The following SIRT7 variants were observed in gnomAD, a reference collection of about 807,000 sequenced individuals.
SIRT7 encodes sirtuin 7.
Under a neutral mutation model 42.8 loss-of-function variants are expected in SIRT7, and 32 were observed. The ratio of observed to expected loss-of-function variants is 0.75; its 90% confidence interval spans 0.56 to 1.00. The LOEUF (loss-of-function observed/expected upper bound fraction) is 1.00, where lower values mean the gene tolerates loss of function less well. SIRT7 is among the 50% of genes least tolerant of loss of function. The probability of loss-of-function intolerance (pLI) is 0.00; values close to 1 mark genes in which losing one functional copy is unlikely to be tolerated. For missense variants in SIRT7, 553 were observed against 572.2 expected, an observed-to-expected ratio of 0.97 and a Z score of 0.34; for synonymous variants, 297 against 245.2, an observed-to-expected ratio of 1.21 and a Z score of -1.97.
rs995300847 is a variant in SIRT7 at position 81,913,986 on chromosome 17, G to A, written c.897+101C>T. 10 of 1,552,646 alleles carry A rather than the reference G, an allele frequency of 6.4e-6. No individual in the cohort carries two copies. The East Asian group carries it at 1.1e-4, about 18-fold the overall frequency. ...CAGTCGGTGCTCCCTGAGCACCCACGGGGGCCCTATCAGACCGCCCTGGTG... is the reference window on the plus strand; with the variant it reads ...CAGTCGGTGCTCCCTGAGCACCCACAGGGGCCCTATCAGACCGCCCTGGTG... On this transcript the variant is annotated intron_variant, in intron 8 of 9. Transcript: ENST00000328666. This position sits in a 1 kb window ranked among gnomAD's most constrained non-coding sequence, Gnocchi z 5.0.
At chr17:81,914,230 C>T (rs2040748035) in intron 7 of SIRT7, 63 bp from the exon 8 acceptor site, 19 of 1,611,962 alleles carry the variant, frequency 1.2e-5, no homozygotes, top group East Asian at 2.2e-5. Context: ...AGTGCTGGGC[C>T]GCAGAGCTGG....
In SIRT7 at chr17:81,913,555, G is replaced by A. The variant is rs1012044445; in HGVS notation, c.1004+219C>T. On this transcript the variant is annotated intron_variant, in intron 9 of 9. Transcript: ENST00000328666. This position sits in a 1 kb window ranked among gnomAD's most constrained non-coding sequence, Gnocchi z 5.0. Reference sequence around the variant, plus strand: ...GCGGGCAGAATCCCTCTCCCCGCGGGGATTGTGTGTGCCACATCAGCCAGG... The same window carrying A: ...GCGGGCAGAATCCCTCTCCCCGCGGAGATTGTGTGTGCCACATCAGCCAGG... 8 of 557,148 alleles carry A rather than the reference G, an allele frequency of 1.4e-5. No homozygotes were observed. The highest frequency in any genetic ancestry group is 2.6e-5 in the Non-Finnish European group (8 of 309,252). 34.5% of individuals were successfully genotyped at this position (557,148 alleles called of 1,614,324 possible). A position where few individuals can be genotyped will look rare whatever the true frequency, so the allele number is the denominator to read the frequency against.
intron 5 of SIRT7, chr17:81,915,098 G>A (rs1331053690): frequency 2.0e-6 from 1 of 491,954 alleles, no homozygotes; most frequent in Non-Finnish European, 3.7e-6. Flanking sequence ...ATTGGTTGAG[G>A]GTGTTCAGCA....
chr17:81,915,705 G>C (rs777816406), intron 3 of SIRT7, 24 bp from the exon 4 acceptor site: 3 of 1,612,324 alleles, frequency 1.9e-6, no homozygotes, highest in Admixed American at 3.3e-5. Flanking sequence ...AAAAAGGTAA[G>C]CCAAGTCAAA....
intron 5 of SIRT7, 32 bp downstream of exon 5, chr17:81,915,408 T>C (rs1445413009): frequency 6.2e-7 from 1 of 1,602,302 alleles, no homozygotes; most frequent in South Asian, 1.1e-5. Context: ...GCCTGGTCCC[T>C]GGCAAGTGTA....
At position 81,913,757 on chromosome 17, in the gene SIRT7, T is replaced by C; in HGVS notation, c.1004+17A>G. The C allele has an allele frequency of 1.3e-6, 2 of 1,544,242 alleles. No homozygotes were observed. The highest frequency in any genetic ancestry group is 1.7e-6 in the Non-Finnish European group (2 of 1,142,944). On this transcript the variant is annotated intron_variant, in intron 9 of 9. Coordinates refer to ENST00000328666, the MANE Select transcript of SIRT7 (RefSeq NM_016538.3). The surrounding 1 kb of genome is among the most constrained non-coding windows in gnomAD (Gnocchi z 5.0). ...ACAGAGGTGCGGGGAAGCAGGCTGC[T>C]GCAGCGGCTCACTCACCTGCTATAG...
chr17:81,917,678 C>T lies in SIRT7; in HGVS notation c.273G>A (p.Glu91=). 1 of 1,605,836 alleles carries T rather than the reference C, an allele frequency of 6.2e-7. No homozygotes were observed. Among genetic ancestry groups the T allele is most frequent in the Non-Finnish European group, 8.5e-7 (1 of 1,176,868 alleles). Residue 91 remains glutamate (E), a synonymous_variant, in exon 3 of 10, where the codon GAG becomes GAA. Transcript: ENST00000328666. ...TGGCGTTCCGGACGGCGCTGGCCAG[C>T]TCCCGGACCTTCCCCCGCAGCTCCT... The part of the protein sequence containing the change: ...DPEELRGKVR[E]LASAVRNAKY...
In SIRT7 at chr17:81,915,884, C is replaced by T. The variant is rs111546803; in HGVS notation, c.337-203G>A. The T allele has an allele frequency of 3.4e-3, 2,044 of 597,906 alleles. 38 individuals carry two copies. The highest frequency in any genetic ancestry group is 0.034 in the African/African-American group (1,833 of 54,214). 37.0% of individuals were successfully genotyped at this position (597,906 alleles called of 1,614,324 possible). ...GGCTCCTCCCTTCTACCTGGACTTC[C>T]GTTTCCCGCCTGGCCTGGCTCATCC... On this transcript the variant is annotated intron_variant, in intron 3 of 9. Coordinates refer to ENST00000328666, the MANE Select transcript of SIRT7 (RefSeq NM_016538.3).
intron 9 of SIRT7, chr17:81,912,896 CAG>C (rs1419136633): frequency 2.8e-5 from 14 of 500,370 alleles, no homozygotes; most frequent in Non-Finnish European, 5.1e-5. Flanking sequence ...CGTGCACACA[CAG>C]GGTGGGGCAG....
Position 81,913,345 on chromosome 17 carries a change from C to T in SIRT7, c.1004+429G>A. Reference sequence around the variant, plus strand: ...TAAACTTTTTACTCAATACATACACCAAGTCTAAATTATCACAAATTCTGT... The same window carrying T: ...TAAACTTTTTACTCAATACATACACTAAGTCTAAATTATCACAAATTCTGT... On this transcript the variant is annotated intron_variant, in intron 9 of 9. Coordinates refer to ENST00000328666, the MANE Select transcript of SIRT7 (RefSeq NM_016538.3). This position sits in a 1 kb window ranked among gnomAD's most constrained non-coding sequence, Gnocchi z 5.0. 1 of 451,064 alleles carries T rather than the reference C, an allele frequency of 2.2e-6. No homozygotes were observed. Among genetic ancestry groups the T allele is most frequent in the Admixed American group, 2.4e-5 (1 of 40,898 alleles). The allele number at this position is 451,064 out of a possible 1,614,324, so 27.9% of individuals were successfully genotyped here. A position where few individuals can be genotyped will look rare whatever the true frequency, so the allele number is the denominator to read the frequency against.
In SIRT7 at chr17:81,918,068, C is replaced by A. The variant is rs771398362; in HGVS notation, c.64G>T (p.Glu22Ter). The change falls in exon 1 of 10, where the codon GAG (glutamate) becomes TAG (stop). Residue 22 changes from glutamate to a stop codon, truncating the protein, a stop_gained. Coordinates refer to ENST00000328666, the MANE Select transcript of SIRT7 (RefSeq NM_016538.3). LOFTEE classifies it high-confidence loss of function. Reference protein sequence around the residue: ...KAAERVRRLREEQQRERLRQV... With the variant: ...KAAERVRRLR ...CGGAGGCGCTCCCTCTGCTGCTCCT[C>A]CCGCAACCTCCGGACCCGCTCCGCC... 5 of 1,544,564 alleles carry A rather than the reference C, an allele frequency of 3.2e-6. No homozygotes were observed. The highest frequency in any genetic ancestry group is 1.4e-5 in the African/African-American group (1 of 70,564).
chr17:81,915,562 G>T, intron 4 of SIRT7, 49 bp downstream of exon 4: 1 of 1,613,130 alleles, frequency 6.2e-7, no homozygotes, highest in South Asian at 1.1e-5. Flanking sequence ...GCTCAGGCCC[G>T]TGCTGCCGCT....
In SIRT7 at chr17:81,914,170, G is replaced by A. The variant is rs368752685; in HGVS notation, c.817-3C>T. On this transcript the variant is annotated splice_polypyrimidine_tract_variant and splice_region_variant and intron_variant, in intron 7 of 9. Coordinates refer to ENST00000328666, the MANE Select transcript of SIRT7 (RefSeq NM_016538.3). ...AGGCGTGGGTACTTCTTTAGAACCT[G>A]TGGAAGCAGACAGACAGACACCGCA... 5 of 1,613,514 alleles carry A rather than the reference G, an allele frequency of 3.1e-6. No individual in the cohort carries two copies. In the African/African-American group the frequency reaches 4.0e-5, roughly 13 times the overall value.
chr17:81,916,666 C>G (rs2040808439), intron 3 of SIRT7: 1 of 152,022 alleles, frequency 6.6e-6, no homozygotes, highest in African/African-American at 2.4e-5. Flanking sequence ...AGGGTTTCAC[C>G]GTGTTGGCCA....
Position 81,917,986 on chromosome 17 carries a change from T to C in SIRT7, c.94-19A>G, listed in dbSNP as rs2040839070. On this transcript the variant is annotated intron_variant, in intron 1 of 9. Coordinates refer to ENST00000328666, the MANE Select transcript of SIRT7 (RefSeq NM_016538.3). ...GCGACACCTGCGGGCAGGCGGACGG[T>C]GAGCGGCGGCGCGGGCCGGGCATGG... 3 of 1,335,116 alleles carry C rather than the reference T, an allele frequency of 2.2e-6. No individual in the cohort carries two copies. Among genetic ancestry groups the C allele is most frequent in the African/African-American group, 1.5e-5 (1 of 64,918 alleles). The allele number at this position is 1,335,116 out of a possible 1,614,324, so 82.7% of individuals were successfully genotyped here.
intron 2 of SIRT7, 26 bp from the exon 3 acceptor site, chr17:81,917,745 GC>G: frequency 6.6e-7 from 1 of 1,505,212 alleles, no homozygotes; most frequent in Non-Finnish European, 8.9e-7. Flanking sequence ...GGTGGTCACC[GC>G]CCCGGGCCGC....
Position 81,915,424 on chromosome 17 carries a change from C to T in SIRT7, c.480+16G>A. The T allele has an allele frequency of 1.2e-6, 2 of 1,610,298 alleles. No individual in the cohort carries two copies. The highest frequency in any genetic ancestry group is 8.5e-7 in the Non-Finnish European group (1 of 1,178,282). On this transcript the variant is annotated intron_variant, in intron 5 of 9. Transcript: ENST00000328666. ...CCTGGTCCCTGGCAAGTGTACCAGCCACCCAGGGCTCTTACCAGCTTCTGC... is the reference window on the plus strand; with the variant it reads ...CCTGGTCCCTGGCAAGTGTACCAGCTACCCAGGGCTCTTACCAGCTTCTGC...
At chr17:81,914,065 T>A (rs1356850128) in intron 8 of SIRT7, 22 bp downstream of exon 8, 2 of 1,612,944 alleles carry the variant, frequency 1.2e-6, no homozygotes, top group East Asian at 4.5e-5. Context: ...TCTAAGGACG[T>A]GGCTCTCAGC....
In SIRT7 at chr17:81,918,076, C is replaced by T. The variant is rs1445386878; in HGVS notation, c.56G>A (p.Arg19Lys). The change falls in exon 1 of 10, where the codon AGG becomes AAG. Residue 19 changes from arginine (R) to lysine (K), a missense_variant. By Grantham distance (26) the Arg-to-Lys change is conservative. Transcript: ENST00000328666. ...SERKAAERVR[R>K]LREEQQRERL... ...CTCCCTCTGCTGCTCCTCCCGCAACCTCCGGACCCGCTCCGCCGCTTTGCG... is the reference window on the plus strand; with the variant it reads ...CTCCCTCTGCTGCTCCTCCCGCAACTTCCGGACCCGCTCCGCCGCTTTGCG... 2.6e-6 allele frequency: 4 copies of T among 1,550,854 alleles called. No homozygotes were observed. The highest frequency in any genetic ancestry group is 1.2e-5 in the South Asian group (1 of 86,044).
Sources: allele counts gnomAD v4.1 joint callset, GRCh38; gene constraint gnomAD v4.1.1; non-coding constraint Gnocchi (gnomAD v3.1); transcripts MANE v1.5; gene names NCBI Gene and HGNC (gene_info 2026-07-23, HGNC 2026-07-21).